Variants in TDRD3 observed in about 807,000 individuals in gnomAD.
The protein encoded by TDRD3 is tudor domain-containing protein 3.
TDRD3 carries 45 observed loss-of-function variants against 86.7 expected under a neutral mutation model. The observed-to-expected ratio is 0.52, with a 90% CI of 0.41 to 0.67. TDRD3 has a LOEUF of 0.67. Among genes scored for constraint, TDRD3 ranks in the 30% least tolerant of loss-of-function variants. The pLI is 0.00. For synonymous variants in TDRD3, 298 were observed against 301.7 expected (o/e 0.99, Z 0.13); for missense variants, 814 against 889.0 (o/e 0.92, Z 1.07).
intron 3 of TDRD3, among the ~76,000 whole-genome samples, chr13:60,454,619 G>A (rs1326751337): frequency 1.3e-5 from 2 of 152,034 alleles, no homozygotes; most frequent in East Asian, 1.9e-4. Context: ...TGCTGGCTAA[G>A]GTTAACTTTG....
At position 60,444,727 on chromosome 13, in the gene TDRD3, C is replaced by A; in HGVS notation, c.171C>A (p.Ile57=). 1 of 1,485,986 alleles carries A rather than the reference C, an allele frequency of 6.7e-7. No individual in the cohort carries two copies. Among genetic ancestry groups the A allele is most frequent in the Non-Finnish European group, 9.0e-7 (1 of 1,107,718 alleles). 92.1% of individuals were successfully genotyped at this position (1,485,986 alleles called of 1,614,324 possible). Residue 57 remains isoleucine (I), a synonymous_variant, in exon 3 of 14, where the codon ATC becomes ATA. Coordinates refer to ENST00000377881, the MANE Select transcript of TDRD3 (RefSeq NM_001146070.2). The part of the protein sequence containing the change: ...TIGKKFLPSD[I]NSGKVEKLEG... The stretch of plus-strand genomic sequence containing the variant: ...GCAAGAAATTCCTCCCCAGTGACAT[C>A]AATAGTGGAAAGGTAGAAAAGGTAA...
chr13:60,408,974 TG>T (rs1360968563), intron 1 of TDRD3, among the ~76,000 whole-genome samples: 1 of 152,188 alleles, frequency 6.6e-6, no homozygotes, highest in Non-Finnish European at 1.5e-5. Flanking sequence ...AGTGGCTTCG[TG>T]GGCTGGGCCC....
intron 1 of TDRD3, among the ~76,000 whole-genome samples, chr13:60,414,097 T>C (rs1184228216): frequency 6.6e-6 from 1 of 152,172 alleles, no homozygotes; most frequent in Non-Finnish European, 1.5e-5. Flanking sequence ...TAAAGAATAA[T>C]GTGTTGCCCT....
intron 8 of TDRD3, among the ~76,000 whole-genome samples, chr13:60,498,231 AG>A (rs1282074503): frequency 6.6e-6 from 1 of 152,184 alleles, no homozygotes; most frequent in Non-Finnish European, 1.5e-5. Context: ...TTGTGAGGGC[AG>A]CACAGGCATC....
chr13:60,437,031 T>A (rs889363393), intron 1 of TDRD3, among the ~76,000 whole-genome samples: 3 of 151,948 alleles, frequency 2.0e-5, no homozygotes, highest in Admixed American at 6.6e-5. Flanking sequence ...AGTATCTAGC[T>A]GATTAGGAAA....
At chr13:60,558,822 A>C (rs1412293256) in intron 12 of TDRD3, among the ~76,000 whole-genome samples, 1 of 152,112 alleles carries the variant, frequency 6.6e-6, no homozygotes, top group Non-Finnish European at 1.5e-5. Flanking sequence ...AAACAAAAAA[A>C]ATGGTAACAA....
intron 12 of TDRD3, among the ~76,000 whole-genome samples, chr13:60,543,516 A>G (rs921337608): frequency 6.6e-6 from 1 of 152,140 alleles, no homozygotes; most frequent in Admixed American, 6.5e-5. Context: ...TATAGAACCT[A>G]TTATACAATG....
At chr13:60,558,603 C>G (rs1194015214) in intron 12 of TDRD3, among the ~76,000 whole-genome samples, 2 of 152,110 alleles carry the variant, frequency 1.3e-5, no homozygotes, top group African/African-American at 4.8e-5. Flanking sequence ...AGGGTGTAGG[C>G]TAAAGGCAAG....
intron 1 of TDRD3, among the ~76,000 whole-genome samples, chr13:60,427,520 C>T (rs771464099): frequency 1.1e-4 from 17 of 152,062 alleles, no homozygotes; most frequent in Admixed American, 3.9e-4. Flanking sequence ...TCGCACGTGT[C>T]ATTTGGAGGT....
Position 60,510,539 on chromosome 13 carries a change from T to G in TDRD3, c.1016-91T>G, listed in dbSNP as rs200306828. The G allele has an allele frequency of 9.0e-6, 11 of 1,217,764 alleles. No homozygotes were observed. The East Asian group carries it at 3.1e-4, about 34-fold the overall frequency. 75.4% of individuals were successfully genotyped at this position (1,217,764 alleles called of 1,614,324 possible). On this transcript the variant is annotated intron_variant, in intron 9 of 13. Transcript: ENST00000377881. ...AAAATATGAAAAGAAATTAAAATCCTTATTTAAAATTATTGTTGGTTATAT... is the reference window on the plus strand; with the variant it reads ...AAAATATGAAAAGAAATTAAAATCCGTATTTAAAATTATTGTTGGTTATAT...
intron 3 of TDRD3, among the ~76,000 whole-genome samples, chr13:60,455,935 T>C (rs947685802): frequency 6.6e-6 from 1 of 151,860 alleles, no homozygotes; most frequent in African/African-American, 2.4e-5. Context: ...CTGGGTGTGG[T>C]TGCTCACACC....
chr13:60,525,544 A>G (rs1238132644), intron 10 of TDRD3, among the ~76,000 whole-genome samples: 1 of 152,150 alleles, frequency 6.6e-6, no homozygotes, highest in Non-Finnish European at 1.5e-5. Flanking sequence ...CAGCATAGTA[A>G]TGGATATGAA....
chr13:60,485,750 A>C (rs768618896), intron 6 of TDRD3, 49 bp from the exon 7 acceptor site: 2 of 1,416,508 alleles, frequency 1.4e-6, no homozygotes, highest in East Asian at 2.6e-5. Flanking sequence ...CGAAAACTTG[A>C]ATCTCTTTTG....
At chr13:60,410,959 A>T (rs1280536231) in intron 1 of TDRD3, among the ~76,000 whole-genome samples, 2 of 152,206 alleles carry the variant, frequency 1.3e-5, no homozygotes, top group Non-Finnish European at 2.9e-5. Flanking sequence ...ACATAATGAA[A>T]GTTTGTATAT....
intron 8 of TDRD3, among the ~76,000 whole-genome samples, chr13:60,505,508 C>G (rs578013620): frequency 6.6e-6 from 1 of 152,284 alleles, no homozygotes; most frequent in South Asian, 2.1e-4. Flanking sequence ...CGGCTGTGGG[C>G]ACAGCTTCAG....
rs945287794 is a variant in TDRD3, at chr13:60,478,860, G to A, written c.496-4915G>A. The stretch of plus-strand genomic sequence containing the variant: ...ACTGTGTCATCCAGGCCAGAGTGCT[G>A]TGGTGCAATCTTGGCTCACTGCAAC... On this transcript the variant is annotated intron_variant, in intron 5 of 13. Coordinates refer to ENST00000377881, the MANE Select transcript of TDRD3 (RefSeq NM_001146070.2). Among the ~76,000 whole-genome samples, 40 of 137,812 alleles carry A rather than the reference G, an allele frequency of 2.9e-4. No individual in the cohort carries two copies. The Middle Eastern group carries it at 0.013, about 46-fold the overall frequency. The allele number at this position is 137,812 out of a possible 152,430, so 90.4% of individuals were successfully genotyped here.
chr13:60,492,201 TG>T (rs1359321679), intron 7 of TDRD3, among the ~76,000 whole-genome samples: 20 of 152,304 alleles, frequency 1.3e-4, no homozygotes, highest in Admixed American at 1.3e-3. Flanking sequence ...ATCCAGAAGA[TG>T]GGACTATTTC....
chr13:60,537,334 G>A (rs923864486), intron 12 of TDRD3: 3 of 151,884 alleles, frequency 2.0e-5, no homozygotes, highest in Non-Finnish European at 2.9e-5. Context: ...ATATCTCCTC[G>A]AAATATAGAG....
chr13:60,519,347 G>T (rs896159497), intron 10 of TDRD3, among the ~76,000 whole-genome samples: 2 of 152,082 alleles, frequency 1.3e-5, no homozygotes, highest in Non-Finnish European at 2.9e-5. Context: ...AAGGAAATAG[G>T]TTTGTATATT....
Sources: allele counts gnomAD v4.1 joint callset (sites outside exome capture counted in the v4.1 genomes callset), GRCh38; gene constraint gnomAD v4.1.1; transcripts MANE v1.5; gene names NCBI Gene and HGNC (gene_info 2026-07-23, HGNC 2026-07-21).